The following RNF13 variants were observed in gnomAD, a reference collection of about 807,000 sequenced individuals.
RNF13 encodes the protein ring finger protein 13, also known as E3 ubiquitin-protein ligase RNF13.
In RNF13, 19 loss-of-function variants were observed where a neutral mutation model predicts 37.7. That is an observed-to-expected ratio of 0.50 (90% CI 0.35 to 0.74). The LOEUF (loss-of-function observed/expected upper bound fraction) is 0.74. Ranked by LOEUF, RNF13 falls within the 30% of genes least tolerant of loss-of-function variation. The pLI is 0.01. For synonymous variants in RNF13, 144 were observed against 157.8 expected (o/e 0.91, Z 0.65); for missense variants, 375 against 453.0 (o/e 0.83, Z 1.56).
intron 2 of RNF13, among the ~76,000 whole-genome samples, chr3:149,850,317 T>C (rs1576760899): frequency 6.6e-6 from 1 of 152,216 alleles, no homozygotes; most frequent in East Asian, 1.9e-4. Flanking sequence ...CATGCTTTAA[T>C]TTTATGAGCA....
intron 8 of RNF13, 62 bp downstream of exon 8, chr3:149,921,289 T>G (rs1053615847): frequency 3.2e-6 from 2 of 634,310 alleles, no homozygotes; most frequent in African/African-American, 3.8e-5. Context: ...GTGACTATAC[T>G]CTTTAAAAAA....
chr3:149,833,493 A>G (rs1022727952), intron 1 of RNF13, among the ~76,000 whole-genome samples: 29 of 152,338 alleles, frequency 1.9e-4, no homozygotes, highest in African/African-American at 6.7e-4. Flanking sequence ...AGTCAATGTA[A>G]TGTACCACAT....
intron 3 of RNF13, among the ~76,000 whole-genome samples, chr3:149,864,682 A>G (rs1401421613): frequency 6.6e-6 from 1 of 152,194 alleles, no homozygotes; most frequent in Non-Finnish European, 1.5e-5. Flanking sequence ...ACAAATCAGT[A>G]CTGTGTTAAG....
chr3:149,863,089 G>A (rs1267058593), intron 3 of RNF13, among the ~76,000 whole-genome samples: 1 of 152,102 alleles, frequency 6.6e-6, no homozygotes, highest in Non-Finnish European at 1.5e-5. Context: ...ATCCCTTCTT[G>A]CCAGTTGCCA....
At chr3:149,915,984 A>G (rs1387820685) in intron 7 of RNF13, among the ~76,000 whole-genome samples, 2 of 151,994 alleles carry the variant, frequency 1.3e-5, no homozygotes, top group African/African-American at 2.4e-5. Flanking sequence ...TGGTTGAGAT[A>G]GTAAGGTTTA....
intron 1 of RNF13, among the ~76,000 whole-genome samples, chr3:149,826,323 C>A (rs1720499891): frequency 6.6e-6 from 1 of 152,218 alleles, no homozygotes; most frequent in Non-Finnish European, 1.5e-5. Flanking sequence ...ACTGTAAGGA[C>A]TATAGTGTAG....
At chr3:149,944,446 T>C (rs1368095975) in intron 8 of RNF13, among the ~76,000 whole-genome samples, 3 of 152,116 alleles carry the variant, frequency 2.0e-5, no homozygotes, top group Admixed American at 2.0e-4. Flanking sequence ...AGAGTAAAAG[T>C]GTTCCTATTT....
Position 149,912,093 on chromosome 3 carries a change from TTAACTTTTAA to T in RNF13, c.606+14_606+23del, listed in dbSNP as rs746080982. On this transcript the variant is annotated intron_variant, in intron 7 of 9. Transcript: ENST00000392894. The stretch of plus-strand genomic sequence containing the variant: ...GATAGTCATTTTCATGGTAGGTACA[TTAACTTTTAA>T]TAATTTTTAAAAAATAGTATGGATG... 1 of 1,326,552 alleles carries T rather than the reference TTAACTTTTAA, an allele frequency of 7.5e-7. No homozygotes were observed. The highest frequency in any genetic ancestry group is 1.1e-6 in the Non-Finnish European group (1 of 932,018). 82.2% of individuals were successfully genotyped at this position (1,326,552 alleles called of 1,614,324 possible).
intron 6 of RNF13, among the ~76,000 whole-genome samples, chr3:149,903,814 G>C (rs1012408039): frequency 2.0e-5 from 3 of 152,092 alleles, no homozygotes; most frequent in Non-Finnish European, 4.4e-5. Flanking sequence ...TTCACTTCAA[G>C]TTGACTGTCA....
At chr3:149,959,455 A>G (rs946017092) in intron 8 of RNF13, among the ~76,000 whole-genome samples, 8 of 152,254 alleles carry the variant, frequency 5.3e-5, no homozygotes, top group Admixed American at 2.6e-4. Context: ...TTAAAGTGGC[A>G]ATATTAATAG....
At chr3:149,912,495 T>C (rs1356294510) in intron 7 of RNF13, among the ~76,000 whole-genome samples, 2 of 152,140 alleles carry the variant, frequency 1.3e-5, no homozygotes, top group East Asian at 3.8e-4. Context: ...ATGACATGCA[T>C]GCCAAAGTAT....
intron 1 of RNF13, among the ~76,000 whole-genome samples, chr3:149,841,730 G>A (rs1041826023): frequency 2.6e-5 from 4 of 151,904 alleles, no homozygotes; most frequent in Non-Finnish European, 4.4e-5. Flanking sequence ...AGTGATTCTC[G>A]TGCCTCAGCC....
At chr3:149,841,227 A>G (rs1408261560) in intron 1 of RNF13, among the ~76,000 whole-genome samples, 1 of 152,214 alleles carries the variant, frequency 6.6e-6, no homozygotes, top group East Asian at 1.9e-4. Flanking sequence ...CTAGAAGATG[A>G]TATCAGAGAA....
At chr3:149,904,764 T>C (rs948065755) in intron 6 of RNF13, among the ~76,000 whole-genome samples, 3 of 146,780 alleles carry the variant, frequency 2.0e-5, no homozygotes, top group African/African-American at 8.2e-5. Context: ...CCTTACCTTA[T>C]AAGTAATAAT....
At chr3:149,932,612 G>T (rs566211245) in intron 8 of RNF13, among the ~76,000 whole-genome samples, 2 of 152,344 alleles carry the variant, frequency 1.3e-5, no homozygotes, top group African/African-American at 2.4e-5. Context: ...CTGAAACCTA[G>T]CAGGGCAGAC....
intron 8 of RNF13, among the ~76,000 whole-genome samples, chr3:149,957,336 T>G (rs1721963428): frequency 6.6e-6 from 1 of 152,124 alleles, no homozygotes; most frequent in Non-Finnish European, 1.5e-5. Context: ...GTCTTTTAGT[T>G]TTTTTACCCA....
At chr3:149,943,509 G>A (rs1212149727) in intron 8 of RNF13, among the ~76,000 whole-genome samples, 1 of 152,112 alleles carries the variant, frequency 6.6e-6, no homozygotes, top group Non-Finnish European at 1.5e-5. Context: ...TGCAACTGAT[G>A]AACCTACATG....
At chr3:149,910,410 G>A (rs1000105077) in intron 6 of RNF13, among the ~76,000 whole-genome samples, 2 of 152,246 alleles carry the variant, frequency 1.3e-5, no homozygotes, top group South Asian at 2.1e-4. Flanking sequence ...TCTAGCAATC[G>A]TAGCAATTTT....
rs569532813 is a variant in RNF13 at position 149,846,637 on chromosome 3, T to C, written c.114+497T>C. 3.3e-5 allele frequency among the ~76,000 whole-genome samples: 5 copies of C among 152,312 alleles called. No individual in the cohort carries two copies. The East Asian group carries it at 9.7e-4, about 29-fold the overall frequency. On this transcript the variant is annotated intron_variant, in intron 2 of 9. Coordinates refer to ENST00000392894, the MANE Select transcript of RNF13 (RefSeq NM_183381.3). ...TCATTTTCTATTGCTTCATATCTAA[T>C]GTAAGATCTCATGAACAATCAGTAC...
Sources: gnomAD v4.1 joint callset for allele counts (sites outside exome capture counted in the v4.1 genomes callset) on GRCh38, gnomAD v4.1.1 for gene constraint, MANE v1.5 for transcripts, NCBI Gene and HGNC (gene_info 2026-07-23, HGNC 2026-07-21) for gene names.